The following KCNC1 variants were observed in gnomAD, a reference collection of about 807,000 sequenced individuals.
KCNC1 encodes voltage-gated potassium channel KCNC1.
In KCNC1, 8 loss-of-function variants were observed where a neutral mutation model predicts 43.4. The observed-to-expected ratio is 0.18, with a 90% CI of 0.11 to 0.33. The LOEUF is 0.33. Ranked by LOEUF, KCNC1 falls within the 10% of genes least tolerant of loss-of-function variation. KCNC1 has a pLI of 1.00. For missense variants in KCNC1, 420 were observed against 836.0 expected (o/e 0.50, Z 6.14); for synonymous variants, 361 against 360.5 (o/e 1.00, Z -0.01).
intron 1 of KCNC1, among the ~76,000 whole-genome samples, chr11:17,760,186 C>T (rs1248648187): frequency 6.6e-6 from 1 of 152,128 alleles, no homozygotes. Context: ...ATACCCCAAA[C>T]CCAGGTAAAG....
At chr11:17,745,879 CAT>C (rs1275660577) in intron 1 of KCNC1, among the ~76,000 whole-genome samples, 1 of 152,170 alleles carries the variant, frequency 6.6e-6, no homozygotes, top group Non-Finnish European at 1.5e-5. Flanking sequence ...TTCTCCTTGG[CAT>C]TAACCACCAT....
chr11:17,779,737 G>A lies in KCNC1; in HGVS notation c.1693+93G>A, dbSNP rs533492037. On this transcript the variant is annotated intron_variant, in intron 3 of 3. Transcript: ENST00000265969. This position sits in a 1 kb window ranked among gnomAD's most constrained non-coding sequence, Gnocchi z 7.2. ...AGGGCGGCGGGCAAGGGCGCTGAGG[G>A]GCAGGCAGGCACACCGAGGGGGGCA... 59 of 1,049,108 alleles carry A rather than the reference G, an allele frequency of 5.6e-5. No homozygotes were observed. The African/African-American group carries it at 8.7e-4, about 16-fold the overall frequency. 65.0% of individuals were successfully genotyped at this position (1,049,108 alleles called of 1,614,324 possible).
chr11:17,741,269 G>A (rs1848838276), intron 1 of KCNC1, among the ~76,000 whole-genome samples: 1 of 132,160 alleles, frequency 7.6e-6, no homozygotes, highest in Non-Finnish European at 1.5e-5. Flanking sequence ...CTCCTGGTCA[G>A]AGCCCTGCAG....
At chr11:17,775,915 C>T (rs1415927671) in intron 2 of KCNC1, 1 of 985,434 alleles carries the variant, frequency 1.0e-6, no homozygotes, top group Non-Finnish European at 1.2e-6. Context: ...CTAAAGTCCC[C>T]TATCCCCAGC....
chr11:17,773,593 T>C lies in KCNC1; in HGVS notation c.1504+995T>C. On this transcript the variant is annotated intron_variant, in intron 2 of 3. Coordinates refer to ENST00000265969, the MANE Select transcript of KCNC1 (RefSeq NM_001112741.2). This position sits in a 1 kb window ranked among gnomAD's most constrained non-coding sequence, Gnocchi z 4.1. ...GGAGGGGGGCATGAAACAATACTAG[T>C]CACCGTGGGATATATTCTAATATTC... 2.0e-6 allele frequency: 2 copies of C among 985,320 alleles called. No individual in the cohort carries two copies. The highest frequency in any genetic ancestry group is 2.4e-6 in the Non-Finnish European group (2 of 829,912). The allele number at this position is 985,320 out of a possible 1,614,324, so 61.0% of individuals were successfully genotyped here. A position where few individuals can be genotyped will look rare whatever the true frequency, so the allele number is the denominator to read the frequency against.
chr11:17,761,000 G>A (rs960258978), intron 1 of KCNC1, among the ~76,000 whole-genome samples: 41 of 152,186 alleles, frequency 2.7e-4, no homozygotes, highest in African/African-American at 9.7e-4. Flanking sequence ...CCCACTCATC[G>A]TGCGACCTTG....
chr11:17,748,613 T>C (rs1485592801), intron 1 of KCNC1, among the ~76,000 whole-genome samples: 2 of 152,120 alleles, frequency 1.3e-5, no homozygotes, highest in Non-Finnish European at 2.9e-5. Context: ...AAATAATTTT[T>C]AAAAGAAAGA....
intron 1 of KCNC1, among the ~76,000 whole-genome samples, chr11:17,765,608 G>A (rs996900916): frequency 1.1e-4 from 16 of 152,168 alleles, no homozygotes; most frequent in African/African-American, 2.9e-4. Flanking sequence ...GGTCTCTCAC[G>A]GTTTGTGATT....
chr11:17,781,548 A>ATCTGCCTGCC lies in KCNC1; in HGVS notation c.1694-116_1694-107dup. The ATCTGCCTGCC allele has an allele frequency of 1.4e-6, 1 of 707,036 alleles. No individual in the cohort carries two copies. The highest frequency in any genetic ancestry group is 2.5e-6 in the Non-Finnish European group (1 of 407,728). 43.8% of individuals were successfully genotyped at this position (707,036 alleles called of 1,614,324 possible). A position where few individuals can be genotyped will look rare whatever the true frequency, so the allele number is the denominator to read the frequency against. ...GGCAAACCAAGCCAGCTGGAGAAGA[A>ATCTGCCTGCC]TCTGCCTGCCTCTGCATGCGGCTGT... On this transcript the variant is annotated intron_variant, in intron 3 of 3. Transcript: ENST00000265969. The surrounding 1 kb of genome is among the most constrained non-coding windows in gnomAD (Gnocchi z 5.1).
In KCNC1 at chr11:17,781,337, C is replaced by A; in HGVS notation, c.1694-333C>A. 3.5e-6 allele frequency: 1 copy of A among 286,926 alleles called. No homozygotes were observed. Among genetic ancestry groups the A allele is most frequent in the Non-Finnish European group, 6.5e-6 (1 of 152,732 alleles). The allele number at this position is 286,926 out of a possible 1,614,324, so 17.8% of individuals were successfully genotyped here. On this transcript the variant is annotated intron_variant, in intron 3 of 3. Coordinates refer to ENST00000265969, the MANE Select transcript of KCNC1 (RefSeq NM_001112741.2). This position sits in a 1 kb window ranked among gnomAD's most constrained non-coding sequence, Gnocchi z 5.1. ...GGAGGCGCTAAGGGTGAAGTGTCCCCACCTACATCCATTCGGCCCGCGCTC... is the reference window on the plus strand; with the variant it reads ...GGAGGCGCTAAGGGTGAAGTGTCCCAACCTACATCCATTCGGCCCGCGCTC...
At chr11:17,752,995 C>A (rs1375477466) in intron 1 of KCNC1, among the ~76,000 whole-genome samples, 3 of 152,202 alleles carry the variant, frequency 2.0e-5, no homozygotes, top group African/African-American at 7.2e-5. Context: ...AATGAATGAA[C>A]AAATGAATGA....
rs188448519 is a variant in KCNC1 at position 17,778,031 on chromosome 11, A to G, written c.1505-1425A>G. On this transcript the variant is annotated intron_variant, in intron 2 of 3. Coordinates refer to ENST00000265969, the MANE Select transcript of KCNC1 (RefSeq NM_001112741.2). Reference sequence around the variant, plus strand: ...CTACTCTTTCAGAGAGCCTCCCCTGACGTGGTCGTGCCCAAGTTGGTTTCC... The same window carrying G: ...CTACTCTTTCAGAGAGCCTCCCCTGGCGTGGTCGTGCCCAAGTTGGTTTCC... Among the ~76,000 whole-genome samples the G allele has an allele frequency of 7.0e-3, 1,058 of 152,224 alleles. 15 individuals carry two copies. The highest frequency in any genetic ancestry group is 8.7e-3 in the Non-Finnish European group (589 of 67,998).
intron 1 of KCNC1, among the ~76,000 whole-genome samples, chr11:17,770,437 C>T (rs1458232157): frequency 6.6e-6 from 1 of 152,160 alleles, no homozygotes; most frequent in African/African-American, 2.4e-5. Flanking sequence ...GGCCCATCCA[C>T]CCAGGGCAGG....
intron 1 of KCNC1, among the ~76,000 whole-genome samples, chr11:17,747,711 G>T (rs908758458): frequency 6.6e-6 from 1 of 152,226 alleles, no homozygotes; most frequent in Non-Finnish European, 1.5e-5. Flanking sequence ...GCCTCGCTGG[G>T]TCAGGCTCAG....
chr11:17,737,700 G>C (rs1251147009), intron 1 of KCNC1, among the ~76,000 whole-genome samples: 1 of 152,160 alleles, frequency 6.6e-6, no homozygotes, highest in Admixed American at 6.5e-5. Flanking sequence ...AAGGCCTGTG[G>C]GGGAAGGGCA....
In KCNC1 at chr11:17,736,086, G is replaced by A. The variant is rs1367118472; in HGVS notation, c.84G>A (p.Thr28=). ...RHQTYRSTLR[T]LPGTRLAWLA... is the part of the protein sequence containing the mutation. ...AGACGTACCGCTCGACCCTGCGCACGCTGCCCGGCACGCGGCTCGCCTGGC... is the reference window on the plus strand; with the variant it reads ...AGACGTACCGCTCGACCCTGCGCACACTGCCCGGCACGCGGCTCGCCTGGC... Residue 28 remains threonine (T), a synonymous_variant, in exon 1 of 4, where the codon ACG becomes ACA. Transcript: ENST00000265969. The surrounding 1 kb of genome is among the most constrained non-coding windows in gnomAD (Gnocchi z 9.3). 30 of 1,606,518 alleles carry A rather than the reference G, an allele frequency of 1.9e-5. No individual in the cohort carries two copies. The highest frequency in any genetic ancestry group is 2.5e-5 in the Non-Finnish European group (30 of 1,176,630).
intron 2 of KCNC1, chr11:17,772,943 C>T (rs1849247859): frequency 8.5e-7 from 1 of 1,173,424 alleles, no homozygotes; most frequent in Non-Finnish European, 1.1e-6. Flanking sequence ...GTGTGAGTCT[C>T]TGACTCAGGC....
intron 1 of KCNC1, among the ~76,000 whole-genome samples, chr11:17,741,159 C>G (rs1173739152): frequency 1.3e-5 from 2 of 152,010 alleles, no homozygotes; most frequent in South Asian, 2.1e-4. Flanking sequence ...AGTGTGCCCC[C>G]CTGCTTCCCA....
intron 1 of KCNC1, among the ~76,000 whole-genome samples, chr11:17,766,418 G>C (rs1849151996): frequency 6.6e-6 from 1 of 152,150 alleles, no homozygotes; most frequent in Non-Finnish European, 1.5e-5. Flanking sequence ...TAGGTGGCTT[G>C]GATTGGGAAG....
Sources: gnomAD v4.1 joint callset for allele counts (sites outside exome capture counted in the v4.1 genomes callset) on GRCh38, gnomAD v4.1.1 for gene constraint, Gnocchi (gnomAD v3.1) non-coding constraint, MANE v1.5 for transcripts, NCBI Gene and HGNC (gene_info 2026-07-23, HGNC 2026-07-21) for gene names.